ATP6V1E1: variants seen among roughly 807,000 people sequenced by gnomAD.
The protein encoded by ATP6V1E1 is V-type proton ATPase subunit E 1.
ATP6V1E1 carries 21 observed loss-of-function variants against 35.2 expected under a neutral mutation model. The ratio of observed to expected loss-of-function variants is 0.60; its 90% CI spans 0.42 to 0.86. ATP6V1E1 has a LOEUF of 0.86. Ranked by LOEUF, ATP6V1E1 falls within the 40% of genes least tolerant of loss-of-function variation. The pLI is 0.00. For synonymous variants in ATP6V1E1, 83 were observed against 87.8 expected (o/e 0.95, Z 0.30); for missense variants, 183 against 272.6 (o/e 0.67, Z 2.32).
intron 2 of ATP6V1E1, among the ~76,000 whole-genome samples, chr22:17,616,032 A>G (rs1240191578): frequency 7.8e-6 from 1 of 127,444 alleles, no homozygotes; most frequent in Non-Finnish European, 1.6e-5. Context: ...ACTCCATCTC[A>G]AAAAACAAAC....
At position 17,592,644 on chromosome 22, in the gene ATP6V1E1, A is replaced by G; in HGVS notation, c.*30T>C. 1 of 1,604,894 alleles carries G rather than the reference A, an allele frequency of 6.2e-7. No homozygotes were observed. Among genetic ancestry groups the G allele is most frequent in the Non-Finnish European group, 8.5e-7 (1 of 1,171,660 alleles). On this transcript the variant is annotated 3_prime_UTR_variant, in exon 9 of 9. Coordinates refer to ENST00000253413, the MANE Select transcript of ATP6V1E1 (RefSeq NM_001696.4). ...AGAAGCTTCCACATCACAGCAGGAGAGCTGACGACGAGCTCCACCTCCTGA... is the reference window on the plus strand; with the variant it reads ...AGAAGCTTCCACATCACAGCAGGAGGGCTGACGACGAGCTCCACCTCCTGA...
rs1363312469 is a variant in ATP6V1E1, at chr22:17,592,490, A to G, written c.*184T>C. The G allele has an allele frequency of 2.1e-5, 14 of 653,596 alleles. No homozygotes were observed. The highest frequency in any genetic ancestry group is 2.9e-5 in the Non-Finnish European group (11 of 379,030). The allele number at this position is 653,596 out of a possible 1,614,324, so 40.5% of individuals were successfully genotyped here. ...TGGAGGTGGGTCCTGATCATATTAC[A>G]TGAAGCTTTCCACCATTGTGAACAA... On this transcript the variant is annotated 3_prime_UTR_variant, in exon 9 of 9. Transcript: ENST00000253413.
intron 4 of ATP6V1E1, among the ~76,000 whole-genome samples, chr22:17,604,606 GC>G (rs1278285422): frequency 2.7e-5 from 4 of 149,438 alleles, no homozygotes; most frequent in Non-Finnish European, 5.9e-5. Flanking sequence ...TGCAACCTCC[GC>G]CCCCTGGGTT....
intron 2 of ATP6V1E1, among the ~76,000 whole-genome samples, chr22:17,613,881 G>A (rs2057828373): frequency 6.6e-6 from 1 of 152,160 alleles, no homozygotes; most frequent in Admixed American, 6.6e-5. Flanking sequence ...GCAGGACAAT[G>A]GCGTGAACCC....
chr22:17,628,540 G>A, intron 1 of ATP6V1E1, 63 bp downstream of exon 1: 1 of 1,610,472 alleles, frequency 6.2e-7, no homozygotes, highest in East Asian at 2.2e-5. Context: ...TTCCCTAGGC[G>A]GGCTCCAGCC....
rs1601393406 is a variant in ATP6V1E1 at position 17,618,930 on chromosome 22, G to A, written c.99+531C>T. The stretch of plus-strand genomic sequence containing the variant: ...CAGGAGAATCACTTGAACCCGGGAG[G>A]CAGAGGTTGCAGTGAGCTGAGATCA... On this transcript the variant is annotated intron_variant, in intron 2 of 8. Coordinates refer to ENST00000253413, the MANE Select transcript of ATP6V1E1 (RefSeq NM_001696.4). The A allele has an allele frequency of 9.0e-6, 4 of 444,768 alleles. No homozygotes were observed. The East Asian group carries it at 2.2e-4, about 24-fold the overall frequency. 27.6% of individuals were successfully genotyped at this position (444,768 alleles called of 1,614,324 possible).
chr22:17,594,006 C>CT (rs2057718097), intron 8 of ATP6V1E1, among the ~76,000 whole-genome samples: 1 of 152,186 alleles, frequency 6.6e-6, no homozygotes, highest in African/African-American at 2.4e-5. Context: ...AATTTGATAA[C>CT]AGCCTGGCCA....
intron 2 of ATP6V1E1, among the ~76,000 whole-genome samples, chr22:17,617,310 G>A (rs925462932): frequency 2.6e-5 from 4 of 151,880 alleles, no homozygotes; most frequent in African/African-American, 9.7e-5. Flanking sequence ...TTTTTCTTGA[G>A]ACAGAGTCTT....
rs116160422 is a variant in ATP6V1E1 at position 17,617,692 on chromosome 22, G to A, written c.99+1769C>T. Among the ~76,000 whole-genome samples the A allele has an allele frequency of 7.5e-3, 1,139 of 152,254 alleles. 16 individuals are homozygous for A. Among genetic ancestry groups the A allele is most frequent in the African/African-American group, 0.027 (1,107 of 41,552 alleles). ...GACATACTGTTAAGGAATATAAATT[G>A]GCATAAGCAATGTACAACTGGAAAT... is the stretch of plus-strand genomic sequence containing the variant. On this transcript the variant is annotated intron_variant, in intron 2 of 8. Transcript: ENST00000253413.
chr22:17,601,897 G>A (rs5992755), intron 4 of ATP6V1E1, among the ~76,000 whole-genome samples: 56,244 of 151,328 alleles, frequency 0.37, 10,986 homozygotes, highest in African/African-American at 0.48. Flanking sequence ...ATGAGCCACC[G>A]CCCTCAGCCC....
At chr22:17,600,854 A>T (rs528670982) in intron 5 of ATP6V1E1, 4 of 325,256 alleles carry the variant, frequency 1.2e-5, no homozygotes, top group South Asian at 6.6e-5. Flanking sequence ...AAGACTACAT[A>T]ATTGAGTAGT....
At chr22:17,620,926 G>T (rs2057873411) in intron 1 of ATP6V1E1, among the ~76,000 whole-genome samples, 1 of 152,140 alleles carries the variant, frequency 6.6e-6, no homozygotes, top group Admixed American at 6.6e-5. Context: ...AGCCGGCGTG[G>T]TGGCGGGCGC....
rs1476080190 is a variant in ATP6V1E1, at chr22:17,616,973, G to A, written c.99+2488C>T. ...TGAGGCAGGAGAATGGCGTGAACCC[G>A]GGAGGCGGAGCTTGCAGTGAGCCGA... On this transcript the variant is annotated intron_variant, in intron 2 of 8. Coordinates refer to ENST00000253413, the MANE Select transcript of ATP6V1E1 (RefSeq NM_001696.4). Among the ~76,000 whole-genome samples the A allele has an allele frequency of 1.2e-4, 12 of 102,094 alleles. 3 individuals are homozygous for A. The highest frequency in any genetic ancestry group is 2.6e-4 in the East Asian group (1 of 3,798). The allele number at this position is 102,094 out of a possible 152,430, so 67.0% of individuals were successfully genotyped here. A position where few individuals can be genotyped will look rare whatever the true frequency, so the allele number is the denominator to read the frequency against.
intron 4 of ATP6V1E1, among the ~76,000 whole-genome samples, chr22:17,601,663 A>G (rs929548117): frequency 2.0e-5 from 3 of 152,198 alleles, no homozygotes; most frequent in Non-Finnish European, 4.4e-5. Context: ...GCTGGAGTGC[A>G]ATGGTGCAAT....
At chr22:17,594,424 T>G in intron 8 of ATP6V1E1, 105 bp downstream of exon 8, 1 of 929,110 alleles carries the variant, frequency 1.1e-6, no homozygotes, top group East Asian at 3.0e-5. Flanking sequence ...TGTCCAAAAC[T>G]GGAAAGACAG....
chr22:17,615,104 C>T (rs1411114537), intron 2 of ATP6V1E1, among the ~76,000 whole-genome samples: 4 of 151,674 alleles, frequency 2.6e-5, no homozygotes, highest in Non-Finnish European at 5.9e-5. Context: ...AGTTCAAGAC[C>T]AGCCTGGCCA....
At chr22:17,623,300 A>AATTTGGGAGTATG (rs1303318144) in intron 1 of ATP6V1E1, among the ~76,000 whole-genome samples, 2 of 152,168 alleles carry the variant, frequency 1.3e-5, no homozygotes, top group African/African-American at 4.8e-5. Context: ...CAGCTCCACA[A>AATTTGGGAGTATG]ATTTGGGAGT....
chr22:17,613,456 C>T (rs949832129), intron 2 of ATP6V1E1, 136 bp from the exon 3 acceptor site: 1 of 696,028 alleles, frequency 1.4e-6, no homozygotes, highest in Non-Finnish European at 2.4e-6. Flanking sequence ...GATTCATTTT[C>T]AAGGATTCTA....
At position 17,612,794 on chromosome 22, in the gene ATP6V1E1, T is replaced by G. The variant is rs2057821706; in HGVS notation, c.276+18A>C. The G allele has an allele frequency of 6.5e-7, 1 of 1,544,738 alleles. No individual in the cohort carries two copies. The highest frequency in any genetic ancestry group is 2.2e-5 in the Admixed American group (1 of 45,272). Reference sequence around the variant, plus strand: ...AAACATGTAATAATTTTATAACTAATAGGGGCTAATTACTCACTGTGATAA... The same window carrying G: ...AAACATGTAATAATTTTATAACTAAGAGGGGCTAATTACTCACTGTGATAA... On this transcript the variant is annotated intron_variant, in intron 4 of 8. Transcript: ENST00000253413.
Sources: allele counts gnomAD v4.1 joint callset (sites outside exome capture counted in the v4.1 genomes callset), GRCh38; gene constraint gnomAD v4.1.1; transcripts MANE v1.5; gene names NCBI Gene and HGNC (gene_info 2026-07-23, HGNC 2026-07-21).